The following LZTS1 variants were observed in gnomAD, a reference collection of about 807,000 sequenced individuals.
LZTS1 encodes the protein leucine zipper tumor suppressor 1.
A neutral mutation model predicts 45.8 loss-of-function variants in LZTS1; 31 were observed. The ratio of observed to expected loss-of-function variants is 0.68; its 90% CI spans 0.51 to 0.91. The LOEUF (loss-of-function observed/expected upper bound fraction) is 0.91. LZTS1 is among the 40% of genes least tolerant of loss of function. The pLI, the probability that LZTS1 is intolerant of heterozygous loss-of-function variation, is 0.00. For synonymous variants in LZTS1, 359 were observed against 357.3 expected (o/e 1.00, Z -0.05); for missense variants, 821 against 788.9 (o/e 1.04, Z -0.49).
chr8:20,265,123 G>C (rs754242213), intron 1 of LZTS1, among the ~76,000 whole-genome samples: 3 of 152,178 alleles, frequency 2.0e-5, no homozygotes, highest in Non-Finnish European at 4.4e-5. Flanking sequence ...ATGGCTGGTA[G>C]GTTGCCGGGC....
chr8:20,264,751 A>T (rs1019427916), intron 1 of LZTS1, among the ~76,000 whole-genome samples: 2 of 152,170 alleles, frequency 1.3e-5, no homozygotes, highest in African/African-American at 4.8e-5. Context: ...CAAATGCTTC[A>T]CTACACCCTG....
At chr8:20,274,202 T>C (rs1207902791) in intron 1 of LZTS1, among the ~76,000 whole-genome samples, 1 of 152,206 alleles carries the variant, frequency 6.6e-6, no homozygotes, top group African/African-American at 2.4e-5. Context: ...CCCAACACTG[T>C]ACTCCCAGCT....
intron 1 of LZTS1, among the ~76,000 whole-genome samples, chr8:20,266,024 AT>A (rs1175112355): frequency 0.012 from 1,709 of 144,430 alleles, 21 homozygotes; most frequent in African/African-American, 0.036. Context: ...ATGCTCAACA[AT>A]TTTTTTTTTT....
Position 20,256,199 on chromosome 8 carries a change from T to C in LZTS1, c.-134-884A>G, listed in dbSNP as rs559813779. Among the ~76,000 whole-genome samples, 6 of 152,138 alleles carry C rather than the reference T, an allele frequency of 3.9e-5. No homozygotes were observed. The South Asian group carries it at 1.2e-3, about 32-fold the overall frequency. ...GTCCCTGAGGCAGAGGGGGCTTGGC[T>C]GTGTGAGACCCACATGGGAAGCAGC... On this transcript the variant is annotated intron_variant, in intron 1 of 3. Coordinates refer to ENST00000381569, the MANE Select transcript of LZTS1 (RefSeq NM_021020.5).
Position 20,249,691 on chromosome 8 carries a change from G to T in LZTS1, c.*31C>A. 11 of 1,572,732 alleles carry T rather than the reference G, an allele frequency of 7.0e-6. No homozygotes were observed. The highest frequency in any genetic ancestry group is 9.5e-6 in the Non-Finnish European group (11 of 1,163,228). On this transcript the variant is annotated 3_prime_UTR_variant, in exon 4 of 4. Coordinates refer to ENST00000381569, the MANE Select transcript of LZTS1 (RefSeq NM_021020.5). ...GGGAGAGCCCTGCCTCCCAGTGCCA[G>T]GTCCCCAGACTCGCCTTCCCAGGCA... is the stretch of plus-strand genomic sequence containing the variant.
chr8:20,247,347 T>TGGG lies in LZTS1; in HGVS notation c.*2372_*2374dup, dbSNP rs3832554. On this transcript the variant is annotated 3_prime_UTR_variant, in exon 4 of 4. Transcript: ENST00000381569. ...GACTCTGACTGCTCTTTCCTGGAGT[T>TGGG]GGGGGGGGGTCTCCAGCCTGGGGAG... is the stretch of plus-strand genomic sequence containing the variant. 5 of 141,562 alleles carry TGGG rather than the reference T, an allele frequency of 3.5e-5. No homozygotes were observed. Among genetic ancestry groups the TGGG allele is most frequent in the African/African-American group, 1.3e-4 (5 of 37,618 alleles). The allele number at this position is 141,562 out of a possible 1,614,324, so 8.8% of individuals were successfully genotyped here.
At chr8:20,260,881 T>C (rs73607954) in intron 1 of LZTS1, among the ~76,000 whole-genome samples, 5,757 of 152,262 alleles carry the variant, frequency 0.038, 157 homozygotes, top group Middle Eastern at 0.095. Flanking sequence ...AGAGGAGCTT[T>C]GAAGTTTGAG....
intron 1 of LZTS1, among the ~76,000 whole-genome samples, chr8:20,260,892 G>A (rs1256380575): frequency 6.6e-6 from 1 of 152,166 alleles, no homozygotes; most frequent in East Asian, 1.9e-4. Flanking sequence ...GAAGTTTGAG[G>A]AGAGTTTGGG....
At position 20,299,672 on chromosome 8, in the gene LZTS1, A is replaced by G. The variant is rs145689456; in HGVS notation, c.-135+4068T>C. On this transcript the variant is annotated intron_variant, in intron 1 of 3. Transcript: ENST00000381569. ...CCCGAGAACACAGGTAGTAATTCCTATATGAGAAATAACAGGGCGATGGAA... is the reference window on the plus strand; with the variant it reads ...CCCGAGAACACAGGTAGTAATTCCTGTATGAGAAATAACAGGGCGATGGAA... Among the ~76,000 whole-genome samples the G allele has an allele frequency of 5.0e-3, 754 of 152,256 alleles. 7 individuals carry two copies. Among genetic ancestry groups the G allele is most frequent in the African/African-American group, 0.017 (726 of 41,548 alleles).
In LZTS1 at chr8:20,255,031, C is replaced by A. The variant is rs367756245; in HGVS notation, c.151G>T (p.Gly51Cys). The A allele has an allele frequency of 6.2e-7, 1 of 1,614,188 alleles. No homozygotes were observed. The highest frequency in any genetic ancestry group is 8.5e-7 in the Non-Finnish European group (1 of 1,180,038). The change falls in exon 2 of 4, where the codon GGT becomes TGT. Residue 51 changes from glycine to cysteine, a missense_variant. Transcript: ENST00000381569. ...ATTTTGGAGCTGGACTTGCCGTGAC[C>A]GGAGTCCTGGGAGAAGCCAAACCTC... is the stretch of plus-strand genomic sequence containing the variant. ...LLRFGFSQDS[G>C]HGKSSSKMGK...
At chr8:20,255,589 T>C (rs1800079315) in intron 1 of LZTS1, among the ~76,000 whole-genome samples, 1 of 152,012 alleles carries the variant, frequency 6.6e-6, no homozygotes, top group African/African-American at 2.4e-5. Flanking sequence ...AGGGTTACAG[T>C]GGTGTGGAGA....
chr8:20,249,992 C>A lies in LZTS1; in HGVS notation c.1521G>T (p.Leu507=). 2 of 1,613,482 alleles carry A rather than the reference C, an allele frequency of 1.2e-6. No individual in the cohort carries two copies. The highest frequency in any genetic ancestry group is 1.7e-5 in the Admixed American group (1 of 60,026). The change falls in exon 4 of 4, where the codon CTG becomes CTT. Residue 507 remains leucine (L), a synonymous_variant. Coordinates refer to ENST00000381569, the MANE Select transcript of LZTS1 (RefSeq NM_021020.5). ...GCCGCTCCTCCCGCAGCTCGGCCCG[C>A]AGCCGCTCCAGCTCCCGCTGCAGGG... ...VPALQRELER[L]RAELREERQG...
At position 20,258,328 on chromosome 8, in the gene LZTS1, G is replaced by A. The variant is rs551325573; in HGVS notation, c.-134-3013C>T. Among the ~76,000 whole-genome samples the A allele has an allele frequency of 3.9e-5, 6 of 152,152 alleles. No individual in the cohort carries two copies. In the South Asian group the frequency reaches 1.2e-3, roughly 32 times the overall value. ...CAGGTGGGACATGGAGAACTGCATG[G>A]GCACAGCTGAAAGGGAGCCAGAAAC... On this transcript the variant is annotated intron_variant, in intron 1 of 3. Transcript: ENST00000381569.
chr8:20,292,538 G>C (rs945960201), intron 1 of LZTS1, among the ~76,000 whole-genome samples: 11 of 152,198 alleles, frequency 7.2e-5, no homozygotes, highest in African/African-American at 2.7e-4. Flanking sequence ...AGGAACAGAC[G>C]GAAATAAGAT....
intron 1 of LZTS1, among the ~76,000 whole-genome samples, chr8:20,285,332 T>C (rs1334524362): frequency 6.6e-6 from 1 of 152,240 alleles, no homozygotes; most frequent in Non-Finnish European, 1.5e-5. Flanking sequence ...AGTTCTTCCA[T>C]GTGTAGATAC....
chr8:20,271,773 C>G (rs142412834), intron 1 of LZTS1, among the ~76,000 whole-genome samples: 1 of 152,366 alleles, frequency 6.6e-6, no homozygotes, highest in African/African-American at 2.4e-5. Flanking sequence ...GTCCTATGCT[C>G]TGTTAAGAAT....
chr8:20,296,540 G>A (rs1007358839), intron 1 of LZTS1, among the ~76,000 whole-genome samples: 7 of 152,122 alleles, frequency 4.6e-5, no homozygotes, highest in Non-Finnish European at 1.0e-4. Context: ...AGCCCAGGTA[G>A]GCAGAGGTGT....
chr8:20,252,912 T>C lies in LZTS1; in HGVS notation c.1019A>G (p.Gln340Arg). 1 of 1,609,990 alleles carries C rather than the reference T, an allele frequency of 6.2e-7. No homozygotes were observed. The highest frequency in any genetic ancestry group is 8.5e-7 in the Non-Finnish European group (1 of 1,178,856). The stretch of plus-strand genomic sequence containing the variant: ...CTCCTGCCGGAGCTGCCGCTTCTCC[T>C]GCTGAAGCTGCAGTACCTGCAGGTG... Reference protein sequence around the residue: ...VLHLQVLQLQQEKRQLRQELE... With the variant: ...VLHLQVLQLQREKRQLRQELE... The change falls in exon 3 of 4, where the codon CAG becomes CGG. Residue 340 changes from glutamine (Q) to arginine (R), a missense_variant. Gln to Arg is a conservative substitution (Grantham distance 43). Coordinates refer to ENST00000381569, the MANE Select transcript of LZTS1 (RefSeq NM_021020.5).
At chr8:20,251,685 C>A (rs940632241) in intron 3 of LZTS1, among the ~76,000 whole-genome samples, 12 of 152,104 alleles carry the variant, frequency 7.9e-5, no homozygotes, top group African/African-American at 2.9e-4. Context: ...ACAATGATTC[C>A]TCGTTTGACA....
Sources: gnomAD v4.1 joint callset for allele counts (sites outside exome capture counted in the v4.1 genomes callset) on GRCh38, gnomAD v4.1.1 for gene constraint, MANE v1.5 for transcripts, NCBI Gene and HGNC (gene_info 2026-07-23, HGNC 2026-07-21) for gene names.